CACNA2D3: variants seen among roughly 807,000 people sequenced by gnomAD.
The protein encoded by CACNA2D3 is calcium voltage-gated channel auxiliary subunit alpha2delta 3, also known as voltage-dependent calcium channel subunit alpha-2/delta-3.
In CACNA2D3, 60 loss-of-function variants were observed where a neutral mutation model predicts 160.6. The ratio of observed to expected loss-of-function variants is 0.37; its 90% CI spans 0.30 to 0.46. The LOEUF (loss-of-function observed/expected upper bound fraction) is 0.46. Among genes scored for constraint, CACNA2D3 ranks in the 20% least tolerant of loss-of-function variants. CACNA2D3 has a pLI of 1.00. For missense variants in CACNA2D3, 1,205 were observed against 1,365.0 expected, an observed-to-expected ratio of 0.88 and a Z score of 1.85; for synonymous variants, 558 against 492.9, an observed-to-expected ratio of 1.13 and a Z score of -1.75.
intron 5 of CACNA2D3, among the ~76,000 whole-genome samples, chr3:54,549,314 C>A (rs1702116447): frequency 6.6e-6 from 1 of 152,170 alleles, no homozygotes; most frequent in Non-Finnish European, 1.5e-5. Flanking sequence ...AATGTGGTGG[C>A]AGACGCCTGT....
intron 2 of CACNA2D3, among the ~76,000 whole-genome samples, chr3:54,231,203 A>G (rs942529575): frequency 1.3e-5 from 2 of 152,090 alleles, no homozygotes; most frequent in African/African-American, 4.8e-5. Flanking sequence ...GGGTGGCTCA[A>G]ATGTTATTAC....
At chr3:54,740,336 A>G (rs1424944457) in intron 11 of CACNA2D3, among the ~76,000 whole-genome samples, 1 of 152,122 alleles carries the variant, frequency 6.6e-6, no homozygotes, top group Admixed American at 6.5e-5. Flanking sequence ...AAAGAAGATA[A>G]TGGTTGCCCC....
chr3:54,648,937 G>A (rs943919566), intron 11 of CACNA2D3, among the ~76,000 whole-genome samples: 3 of 152,166 alleles, frequency 2.0e-5, no homozygotes, highest in Non-Finnish European at 4.4e-5. Context: ...GCCAATCATG[G>A]AGGATCCAAC....
Position 54,798,575 on chromosome 3 carries a change from A to G in CACNA2D3, c.1381-18278A>G, listed in dbSNP as rs114308419. Reference sequence around the variant, plus strand: ...ACCAGAGTTTAGTAAGAAGAATGTCACCTCTTCCACTACAGCATGTGTTTC... The same window carrying G: ...ACCAGAGTTTAGTAAGAAGAATGTCGCCTCTTCCACTACAGCATGTGTTTC... On this transcript the variant is annotated intron_variant, in intron 13 of 37. Transcript: ENST00000474759. Among the ~76,000 whole-genome samples, 386 of 152,186 alleles carry G rather than the reference A, an allele frequency of 2.5e-3. 3 individuals carry two copies. Among genetic ancestry groups the G allele is most frequent in the African/African-American group, 8.9e-3 (368 of 41,504 alleles).
intron 25 of CACNA2D3, among the ~76,000 whole-genome samples, chr3:54,895,730 CTG>C (rs921824518): frequency 6.6e-5 from 10 of 152,186 alleles, no homozygotes; most frequent in African/African-American, 2.4e-4. Flanking sequence ...CTGCAGCAGA[CTG>C]TGGCCTAACC....
At chr3:55,058,379 A>G (rs936681055) in intron 35 of CACNA2D3, among the ~76,000 whole-genome samples, 3 of 152,242 alleles carry the variant, frequency 2.0e-5, no homozygotes, top group Non-Finnish European at 4.4e-5. Flanking sequence ...TCAGGCAGTG[A>G]TACAGCTGAT....
At chr3:54,504,174 C>A (rs1385790958) in intron 5 of CACNA2D3, among the ~76,000 whole-genome samples, 1 of 152,148 alleles carries the variant, frequency 6.6e-6, no homozygotes, top group Non-Finnish European at 1.5e-5. Context: ...CAGCTGGGGT[C>A]TTTTCTTAGA....
chr3:54,214,394 CT>C (rs1236133677), intron 2 of CACNA2D3, among the ~76,000 whole-genome samples: 7 of 152,106 alleles, frequency 4.6e-5, no homozygotes, highest in Non-Finnish European at 1.5e-5. Flanking sequence ...TAAAATTGAC[CT>C]TTGCATCACA....
chr3:54,682,059 GGGGAT>G (rs1293652152), intron 11 of CACNA2D3, among the ~76,000 whole-genome samples: 2 of 151,960 alleles, frequency 1.3e-5, no homozygotes, highest in African/African-American at 4.8e-5. Flanking sequence ...CAAATATGGG[GGGGAT>G]TTGGAATTTG....
At chr3:54,834,603 T>C (rs1408420022) in intron 14 of CACNA2D3, among the ~76,000 whole-genome samples, 1 of 152,254 alleles carries the variant, frequency 6.6e-6, no homozygotes, top group African/African-American at 2.4e-5. Flanking sequence ...TTGTTTATTA[T>C]ATTGATGAAT....
intron 4 of CACNA2D3, among the ~76,000 whole-genome samples, chr3:54,400,963 A>C (rs1699450566): frequency 6.6e-6 from 1 of 152,194 alleles, no homozygotes; most frequent in Non-Finnish European, 1.5e-5. Flanking sequence ...AAACTCTGTG[A>C]GATTTGAGAT....
chr3:54,945,681 A>T (rs1484218177), intron 27 of CACNA2D3, among the ~76,000 whole-genome samples: 1 of 152,156 alleles, frequency 6.6e-6, no homozygotes, highest in Non-Finnish European at 1.5e-5. Flanking sequence ...CAGCCCCACC[A>T]AATGCAGGTT....
intron 4 of CACNA2D3, among the ~76,000 whole-genome samples, chr3:54,441,061 C>T (rs1177913830): frequency 6.6e-6 from 1 of 152,104 alleles, no homozygotes; most frequent in African/African-American, 2.4e-5. Context: ...GGAATCGCCA[C>T]ACTGACTTCC....
chr3:54,444,472 G>A (rs1700190638), intron 4 of CACNA2D3, among the ~76,000 whole-genome samples: 1 of 152,180 alleles, frequency 6.6e-6, no homozygotes, highest in South Asian at 2.1e-4. Flanking sequence ...CCCTGGTGAT[G>A]CAGTGGGCCT....
At chr3:54,792,384 A>G (rs973511342) in intron 13 of CACNA2D3, among the ~76,000 whole-genome samples, 1 of 152,220 alleles carries the variant, frequency 6.6e-6, no homozygotes. Flanking sequence ...ATATGTTGAC[A>G]TAGTGAATCA....
intron 2 of CACNA2D3, among the ~76,000 whole-genome samples, chr3:54,263,746 C>G (rs1270878897): frequency 6.6e-6 from 1 of 152,118 alleles, no homozygotes; most frequent in Admixed American, 6.6e-5. Flanking sequence ...GGCAACACAG[C>G]AATAAGATGG....
intron 11 of CACNA2D3, among the ~76,000 whole-genome samples, chr3:54,686,983 G>A (rs1700458668): frequency 6.6e-6 from 1 of 152,024 alleles, no homozygotes; most frequent in Admixed American, 6.6e-5. Context: ...TTAGACATTT[G>A]TTTTGACCCG....
At chr3:54,727,291 G>A (rs531259028) in intron 11 of CACNA2D3, among the ~76,000 whole-genome samples, 6 of 152,268 alleles carry the variant, frequency 3.9e-5, no homozygotes, top group East Asian at 1.9e-4. Context: ...AAATAGGAAC[G>A]CTCTTACACT....
chr3:54,942,937 T>C (rs1706692571), intron 27 of CACNA2D3, among the ~76,000 whole-genome samples: 1 of 152,048 alleles, frequency 6.6e-6, no homozygotes, highest in African/African-American at 2.4e-5. Context: ...GGCAGGAGAA[T>C]TGCTTGAACC....
Sources: allele counts gnomAD v4.1 joint callset (sites outside exome capture counted in the v4.1 genomes callset), GRCh38; gene constraint gnomAD v4.1.1; transcripts MANE v1.5; gene names NCBI Gene and HGNC (gene_info 2026-07-23, HGNC 2026-07-21).